Variants in GALK2 observed in about 807,000 individuals in gnomAD.
GALK2 encodes galactokinase 2, also known as N-acetylgalactosamine kinase.
GALK2 carries 36 observed loss-of-function variants against 52.4 expected under a neutral mutation model. The observed-to-expected ratio is 0.69, with a 90% CI of 0.53 to 0.91. The LOEUF is 0.91. Ranked by LOEUF, GALK2 falls within the 40% of genes least tolerant of loss-of-function variation. The probability of loss-of-function intolerance (pLI) is 0.00; values close to 1 mark genes in which losing one functional copy is unlikely to be tolerated. For missense variants in GALK2, 579 were observed against 559.1 expected, an observed-to-expected ratio of 1.04 and a Z score of -0.36; for synonymous variants, 176 against 199.1, an observed-to-expected ratio of 0.88 and a Z score of 0.98.
chr15:49,279,516 C>T (rs2141745715), intron 5 of GALK2, among the ~76,000 whole-genome samples: 1 of 152,306 alleles, frequency 6.6e-6, no homozygotes, highest in Non-Finnish European at 1.5e-5. Flanking sequence ...GGCACTTCCA[C>T]TTCTGGTTAT....
chr15:49,237,144 C>T (rs1209816272), intron 4 of GALK2, among the ~76,000 whole-genome samples: 1 of 152,140 alleles, frequency 6.6e-6, no homozygotes, highest in Non-Finnish European at 1.5e-5. Context: ...GGTAAAGTGG[C>T]CTAAATAATG....
At chr15:49,351,572 C>G (rs1235549480) in intron 3 of GALK2, among the ~76,000 whole-genome samples, 1 of 152,180 alleles carries the variant, frequency 6.6e-6, no homozygotes, top group African/African-American at 2.4e-5. Flanking sequence ...AGAACTGAAA[C>G]TAACACATAC....
chr15:49,360,426 C>G (rs1005593819), intron 3 of GALK2, among the ~76,000 whole-genome samples: 3 of 152,042 alleles, frequency 2.0e-5, no homozygotes, highest in Admixed American at 1.3e-4. Flanking sequence ...GAGACCCATA[C>G]AGACTACACC....
intron 1 of GALK2, among the ~76,000 whole-genome samples, chr15:49,182,355 C>T (rs1200890047): frequency 6.6e-6 from 1 of 152,186 alleles, no homozygotes; most frequent in Non-Finnish European, 1.5e-5. Flanking sequence ...AGTAGTACTC[C>T]ATTGTGTGTA....
intron 9 of GALK2, among the ~76,000 whole-genome samples, chr15:49,324,667 C>T (rs1280535348): frequency 6.6e-6 from 1 of 152,164 alleles, no homozygotes; most frequent in Admixed American, 6.5e-5. Context: ...ATCATAGAAA[C>T]TGCTAGAAGT....
At chr15:49,170,453 T>C in intron 1 of GALK2, 78 bp downstream of exon 1, 1 of 1,418,844 alleles carries the variant, frequency 7.0e-7, no homozygotes, top group Non-Finnish European at 9.6e-7. Flanking sequence ...ACTTGGCTCC[T>C]CCCTTGGGGC....
exon 1 of GALK2, chr15:49,155,849 G>C (rs1044514143): frequency 2.0e-5 from 18 of 887,780 alleles, no homozygotes; most frequent in Non-Finnish European, 3.2e-5. Flanking sequence ...GCCGAAGGGC[G>C]TCGGAAACTG....
At chr15:49,205,423 T>C (rs1216789999) in intron 2 of GALK2, among the ~76,000 whole-genome samples, 1 of 152,238 alleles carries the variant, frequency 6.6e-6, no homozygotes, top group Non-Finnish European at 1.5e-5. Context: ...ATGGCCATTC[T>C]TGCAGGAGTG....
intron 5 of GALK2, among the ~76,000 whole-genome samples, chr15:49,261,895 G>C (rs1031062420): frequency 1.1e-4 from 16 of 152,248 alleles, no homozygotes; most frequent in East Asian, 9.6e-4. Flanking sequence ...TATTGAACCA[G>C]CCTTGCATCC....
chr15:49,306,549 C>G (rs1388182991), intron 8 of GALK2, among the ~76,000 whole-genome samples: 2 of 152,076 alleles, frequency 1.3e-5, no homozygotes, highest in Non-Finnish European at 2.9e-5. Flanking sequence ...TCTTTCACCC[C>G]TTTTTATTCC....
At chr15:49,235,670 T>C (rs2090763375) in intron 3 of GALK2, 181 bp from the exon 4 acceptor site, 2 of 731,542 alleles carry the variant, frequency 2.7e-6, no homozygotes. Flanking sequence ...CTAAGGCCAC[T>C]GCAACTTCCT....
downstream of GALK2, chr15:49,334,294 T>A (rs557985140): frequency 7.6e-5 from 73 of 960,304 alleles, 1 homozygote; most frequent in South Asian, 3.1e-3. Flanking sequence ...AGCTTTTCCC[T>A]ATAAAGTTAA....
chr15:49,214,099 G>A lies in GALK2; in HGVS notation c.143-3091G>A, dbSNP rs565077888. Among the ~76,000 whole-genome samples the A allele has an allele frequency of 9.1e-4, 138 of 152,128 alleles. 5 individuals carry two copies. The South Asian group carries it at 0.027, about 30-fold the overall frequency. On this transcript the variant is annotated intron_variant, in intron 2 of 9. Coordinates refer to ENST00000560031, the MANE Select transcript of GALK2 (RefSeq NM_002044.4). Reference sequence around the variant, plus strand: ...CATGCCACTGCACTCCAGCCTGGGCGACCGAGCAAGAGTCTGTCTCAAAAA... The same window carrying A: ...CATGCCACTGCACTCCAGCCTGGGCAACCGAGCAAGAGTCTGTCTCAAAAA...
intron 1 of GALK2, chr15:49,194,010 T>C (rs886203687): frequency 6.6e-6 from 1 of 152,056 alleles, no homozygotes; most frequent in African/African-American, 2.4e-5. Flanking sequence ...ACAGGTGTGA[T>C]GTACTAGCAT....
In GALK2 at chr15:49,258,977, C is replaced by T. The variant is rs542504530; in HGVS notation, c.504+19610C>T. Among the ~76,000 whole-genome samples, 257 of 151,582 alleles carry T rather than the reference C, an allele frequency of 1.7e-3. 2 individuals carry two copies. The highest frequency in any genetic ancestry group is 6.1e-3 in the African/African-American group (250 of 41,292). ...GAGAAGTGTCAGTTCATGTCCTTCA[C>T]CCATTTTTTGATGGGGTTGTTTTTT... is the stretch of plus-strand genomic sequence containing the variant. On this transcript the variant is annotated intron_variant, in intron 5 of 9. Transcript: ENST00000560031.
intron 5 of GALK2, among the ~76,000 whole-genome samples, chr15:49,249,427 T>C (rs1200384001): frequency 6.6e-6 from 1 of 152,222 alleles, no homozygotes; most frequent in African/African-American, 2.4e-5. Context: ...GTGAGAATAG[T>C]TCTTCCTTTA....
chr15:49,220,452 T>C (rs1440520342), intron 3 of GALK2, among the ~76,000 whole-genome samples: 1 of 152,188 alleles, frequency 6.6e-6, no homozygotes, highest in Non-Finnish European at 1.5e-5. Context: ...TTCCATTGTG[T>C]ATATATACAT....
At chr15:49,244,450 G>T (rs1415357624) in intron 5 of GALK2, among the ~76,000 whole-genome samples, 2 of 152,086 alleles carry the variant, frequency 1.3e-5, no homozygotes, top group Admixed American at 6.5e-5. Flanking sequence ...ATAATCAAAG[G>T]ATCAGAAATG....
intron 5 of GALK2, among the ~76,000 whole-genome samples, chr15:49,242,575 CCAGTAA>C (rs2091152768): frequency 1.3e-5 from 2 of 152,176 alleles, no homozygotes; most frequent in African/African-American, 4.8e-5. Context: ...TATTTCATAT[CCAGTAA>C]ACCCCATTCA....
Sources: allele counts gnomAD v4.1 joint callset (sites outside exome capture counted in the v4.1 genomes callset), GRCh38; gene constraint gnomAD v4.1.1; transcripts MANE v1.5; gene names NCBI Gene and HGNC (gene_info 2026-07-23, HGNC 2026-07-21).